STX8: variants seen among roughly 807,000 people sequenced by gnomAD.
The protein encoded by STX8 is syntaxin 8.
Under a neutral mutation model 37.5 loss-of-function variants are expected in STX8, and 23 were observed. That is an observed-to-expected ratio of 0.61 (90% CI 0.44 to 0.87). STX8 has a LOEUF of 0.87. Among genes scored for constraint, STX8 ranks in the 40% least tolerant of loss-of-function variants. STX8 has a pLI of 0.00. For synonymous variants in STX8, 115 were observed against 99.1 expected (o/e 1.16, Z -0.95); for missense variants, 313 against 284.7 (o/e 1.10, Z -0.71).
chr17:9,476,545 C>A (rs1307963248), intron 6 of STX8, among the ~76,000 whole-genome samples: 1 of 151,848 alleles, frequency 6.6e-6, no homozygotes, highest in Non-Finnish European at 1.5e-5. Context: ...CTCCACCTCC[C>A]GGGTTCAAGC....
chr17:9,375,498 A>G (rs1911550814), intron 7 of STX8, among the ~76,000 whole-genome samples: 1 of 152,182 alleles, frequency 6.6e-6, no homozygotes. Context: ...ATGTCTATGA[A>G]TATATTCATT....
intron 4 of STX8, among the ~76,000 whole-genome samples, chr17:9,542,697 A>AATAC (rs1906333444): frequency 6.6e-6 from 1 of 151,932 alleles, no homozygotes; most frequent in African/African-American, 2.4e-5. Context: ...TAAATAAATA[A>AATAC]ATAAATAAAT....
At chr17:9,344,596 C>G (rs1172526804) in intron 7 of STX8, among the ~76,000 whole-genome samples, 1 of 152,152 alleles carries the variant, frequency 6.6e-6, no homozygotes, top group Non-Finnish European at 1.5e-5. Flanking sequence ...CAGCCCTCCT[C>G]TGTTCAGTGC....
At chr17:9,486,574 C>T (rs190860447) in intron 6 of STX8, among the ~76,000 whole-genome samples, 10 of 152,076 alleles carry the variant, frequency 6.6e-5, no homozygotes, top group Admixed American at 2.0e-4. Context: ...AGCTCTGCTG[C>T]GGGTGGTGGC....
intron 6 of STX8, among the ~76,000 whole-genome samples, chr17:9,407,184 A>G (rs1482404403): frequency 6.6e-6 from 1 of 152,162 alleles, no homozygotes; most frequent in Non-Finnish European, 1.5e-5. Context: ...TCAGAACTAT[A>G]TTTTTAATAT....
intron 7 of STX8, among the ~76,000 whole-genome samples, chr17:9,302,669 G>A (rs1354540276): frequency 6.6e-6 from 1 of 152,090 alleles, no homozygotes; most frequent in Non-Finnish European, 1.5e-5. Flanking sequence ...CCCATGACCT[G>A]GCTTTGACCA....
intron 6 of STX8, among the ~76,000 whole-genome samples, chr17:9,426,622 A>G (rs1484632664): frequency 6.6e-6 from 1 of 151,696 alleles, no homozygotes; most frequent in Non-Finnish European, 1.5e-5. Flanking sequence ...TTAGCCAGGC[A>G]TGGTGGCACA....
chr17:9,288,136 CAAACAA>C (rs1908153381), intron 7 of STX8, among the ~76,000 whole-genome samples: 1 of 20,750 alleles, frequency 4.8e-5, no homozygotes, highest in Non-Finnish European at 7.9e-5. Flanking sequence ...AACAAACAAA[CAAACAA>C]AAAAAAAAAA....
In STX8 at chr17:9,299,490, C is replaced by G. The variant is rs959303699; in HGVS notation, c.644-48845G>C. Reference sequence around the variant, plus strand: ...CAAGAGTCTCACTCTGTCGCCCAGGCTAGAGTGCAGTGGCGCGATCTGGGC... The same window carrying G: ...CAAGAGTCTCACTCTGTCGCCCAGGGTAGAGTGCAGTGGCGCGATCTGGGC... On this transcript the variant is annotated intron_variant, in intron 7 of 7. Transcript: ENST00000306357. Among the ~76,000 whole-genome samples, 3 of 139,846 alleles carry G rather than the reference C, an allele frequency of 2.1e-5. No individual in the cohort carries two copies. The South Asian group carries it at 6.9e-4, about 32-fold the overall frequency. The allele number at this position is 139,846 out of a possible 152,430, so 91.7% of individuals were successfully genotyped here.
chr17:9,336,421 C>T (rs1036595852), intron 7 of STX8, among the ~76,000 whole-genome samples: 5 of 151,798 alleles, frequency 3.3e-5, no homozygotes, highest in African/African-American at 1.2e-4. Context: ...CCTTCCCCTT[C>T]CTTCCTTCCC....
chr17:9,346,203 T>C (rs935889141), intron 7 of STX8, among the ~76,000 whole-genome samples: 1 of 152,108 alleles, frequency 6.6e-6, no homozygotes, highest in Non-Finnish European at 1.5e-5. Context: ...GGAAAGCAGA[T>C]CCTATACAGT....
chr17:9,319,485 T>C (rs1309117160), intron 7 of STX8, among the ~76,000 whole-genome samples: 5 of 151,944 alleles, frequency 3.3e-5, no homozygotes, highest in Non-Finnish European at 7.4e-5. Context: ...TATCGATACC[T>C]GGAAAATTTA....
At chr17:9,475,408 C>G (rs1906058085) in intron 6 of STX8, among the ~76,000 whole-genome samples, 1 of 152,166 alleles carries the variant, frequency 6.6e-6, no homozygotes, top group Non-Finnish European at 1.5e-5. Context: ...TGGCTATTGG[C>G]AGCCACAGAA....
At chr17:9,394,481 G>A (rs920448523) in intron 6 of STX8, among the ~76,000 whole-genome samples, 5 of 151,334 alleles carry the variant, frequency 3.3e-5, no homozygotes, top group African/African-American at 1.2e-4. Flanking sequence ...GGGTTCAAGT[G>A]ATTCTCCCGA....
chr17:9,309,897 T>C (rs1281458117), intron 7 of STX8, among the ~76,000 whole-genome samples: 3 of 152,192 alleles, frequency 2.0e-5, no homozygotes, highest in African/African-American at 4.8e-5. Context: ...ACAGAAACCA[T>C]TTCATATTTG....
At chr17:9,346,493 G>A (rs1267879192) in intron 7 of STX8, among the ~76,000 whole-genome samples, 1 of 152,170 alleles carries the variant, frequency 6.6e-6, no homozygotes, top group Non-Finnish European at 1.5e-5. Flanking sequence ...AAAAAGTTTA[G>A]CAAGCAATGA....
chr17:9,428,235 CT>C (rs1214132111), intron 6 of STX8, among the ~76,000 whole-genome samples: 1 of 151,980 alleles, frequency 6.6e-6, no homozygotes, highest in Non-Finnish European at 1.5e-5. Flanking sequence ...CCAGAAATGA[CT>C]TTTGTTTTGT....
At chr17:9,490,372 A>G (rs1906803094) in intron 6 of STX8, among the ~76,000 whole-genome samples, 1 of 102,388 alleles carries the variant, frequency 9.8e-6, no homozygotes, top group African/African-American at 3.2e-5. Context: ...CTCATACATG[A>G]TAACTTTTCT....
Position 9,264,343 on chromosome 17 carries a change from C to T in STX8, c.644-13698G>A, listed in dbSNP as rs868797149. 6.6e-5 allele frequency among the ~76,000 whole-genome samples: 10 copies of T among 152,316 alleles called. 1 individual carries two copies. Among genetic ancestry groups the T allele is most frequent in the Middle Eastern group, 6.8e-3 (2 of 294 alleles). On this transcript the variant is annotated intron_variant, in intron 7 of 7. Transcript: ENST00000306357. Reference sequence around the variant, plus strand: ...TTTTTGAGACAGGGTCTTACTCTGTCGCCCAGGCTGGAGTGCAGTGGCATG... The same window carrying T: ...TTTTTGAGACAGGGTCTTACTCTGTTGCCCAGGCTGGAGTGCAGTGGCATG...
Sources: allele counts gnomAD v4.1 joint callset (sites outside exome capture counted in the v4.1 genomes callset), GRCh38; gene constraint gnomAD v4.1.1; transcripts MANE v1.5; gene names NCBI Gene and HGNC (gene_info 2026-07-23, HGNC 2026-07-21).